The following PICALM variants were observed in gnomAD, a reference collection of about 807,000 sequenced individuals.
The protein encoded by PICALM is phosphatidylinositol-binding clathrin assembly protein.
Under a neutral mutation model 80.5 loss-of-function variants are expected in PICALM, and 40 were observed. The observed-to-expected ratio is 0.50, with a 90% CI of 0.39 to 0.65. The LOEUF (loss-of-function observed/expected upper bound fraction) is 0.65, where lower values mean the gene tolerates loss of function less well. PICALM is among the 30% of genes least tolerant of loss of function. PICALM has a pLI of 0.00. For missense variants in PICALM, 676 were observed against 778.9 expected (o/e 0.87, Z 1.57); for synonymous variants, 288 against 260.3 (o/e 1.11, Z -1.02).
chr11:86,038,874 T>G (rs1168498888), intron 1 of PICALM, among the ~76,000 whole-genome samples: 6 of 147,244 alleles, frequency 4.1e-5, no homozygotes, highest in Non-Finnish European at 6.0e-5. Flanking sequence ...ACGTTGGGGG[T>G]CAAGGAGAAC....
intron 16 of PICALM, among the ~76,000 whole-genome samples, 182 bp downstream of exon 16, chr11:85,981,563 C>G (rs191522512): frequency 6.6e-6 from 1 of 150,938 alleles, no homozygotes; most frequent in Non-Finnish European, 1.5e-5. Flanking sequence ...GCCGAGATTG[C>G]GCCACTGTAC....
intron 4 of PICALM, among the ~76,000 whole-genome samples, chr11:86,021,145 C>T (rs2095555643): frequency 6.6e-6 from 1 of 152,066 alleles, no homozygotes; most frequent in South Asian, 2.1e-4. Flanking sequence ...CCCAGGAGTT[C>T]AAGACCAGCC....
intron 13 of PICALM, among the ~76,000 whole-genome samples, chr11:85,985,807 T>C (rs2094555854): frequency 6.6e-6 from 1 of 152,226 alleles, no homozygotes; most frequent in Non-Finnish European, 1.5e-5. Context: ...TGGCTATTGA[T>C]GTCACTAACT....
chr11:85,987,165 G>A (rs2094597461), intron 13 of PICALM, among the ~76,000 whole-genome samples: 1 of 152,160 alleles, frequency 6.6e-6, no homozygotes, highest in Admixed American at 6.5e-5. Context: ...TAAGCACTAA[G>A]CAAGGGCTTT....
intron 19 of PICALM, among the ~76,000 whole-genome samples, chr11:85,967,123 C>A (rs1452909825): frequency 6.6e-6 from 1 of 152,048 alleles, no homozygotes; most frequent in African/African-American, 2.4e-5. Flanking sequence ...CTCTGCTATC[C>A]CAATTAATTT....
intron 12 of PICALM, among the ~76,000 whole-genome samples, chr11:85,995,515 T>C (rs566620365): frequency 1.8e-4 from 28 of 152,348 alleles, no homozygotes; most frequent in Non-Finnish European, 1.0e-4. Context: ...TTTTTAGTTG[T>C]ACATGGTGTC....
chr11:86,063,684 T>A (rs551428232), intron 1 of PICALM, among the ~76,000 whole-genome samples: 2 of 152,336 alleles, frequency 1.3e-5, no homozygotes, highest in Admixed American at 6.5e-5. Flanking sequence ...ATTTGACATG[T>A]GTGATCAAAT....
intron 1 of PICALM, 92 bp downstream of exon 1, chr11:86,068,559 C>T: frequency 1.7e-6 from 2 of 1,207,048 alleles, no homozygotes; most frequent in Admixed American, 2.5e-5. Flanking sequence ...AGGGAAGAGG[C>T]AGTAGAAGGG....
intron 19 of PICALM, among the ~76,000 whole-genome samples, chr11:85,973,004 A>T (rs1034039782): frequency 6.6e-6 from 1 of 152,220 alleles, no homozygotes; most frequent in Non-Finnish European, 1.5e-5. Context: ...TTATAAAAAC[A>T]AATGCACAAA....
At chr11:86,061,467 C>T (rs545497846) in intron 1 of PICALM, among the ~76,000 whole-genome samples, 2 of 151,294 alleles carry the variant, frequency 1.3e-5, no homozygotes, top group Non-Finnish European at 2.9e-5. Flanking sequence ...ATGACCTTAA[C>T]GGACACCTCA....
rs1042320541 is a variant in PICALM, at chr11:85,981,933, T to C, written c.1587A>G (p.Lys529=). The C allele has an allele frequency of 1.9e-6, 3 of 1,613,070 alleles. No individual in the cohort carries two copies. The African/African-American group carries it at 4.0e-5, about 22-fold the overall frequency. The change falls in exon 15 of 20, where the codon AAA becomes AAG. Residue 529 remains lysine (K), a synonymous_variant. Transcript: ENST00000393346. ...ASQNQNLPVA[K]LPPSKLVSDD... is the part of the protein sequence containing the mutation. Reference sequence around the variant, plus strand: ...CAGATACTAACTTGCTAGGTGGGAGTTTGGCAACAGGAAGGTTCTGGTTCT... The same window carrying C: ...CAGATACTAACTTGCTAGGTGGGAGCTTGGCAACAGGAAGGTTCTGGTTCT...
intron 4 of PICALM, among the ~76,000 whole-genome samples, chr11:86,015,650 T>G (rs1433421076): frequency 2.0e-5 from 3 of 152,184 alleles, no homozygotes; most frequent in African/African-American, 4.8e-5. Context: ...TAAAAACCAG[T>G]ACATGAAAGG....
At chr11:86,035,947 CAAA>C (rs543040504) in intron 1 of PICALM, among the ~76,000 whole-genome samples, 2 of 66,494 alleles carry the variant, frequency 3.0e-5, no homozygotes, top group Non-Finnish European at 5.8e-5. Flanking sequence ...GACTCTGCCT[CAAA>C]AAAAAAAAAA....
At chr11:85,969,724 G>A in intron 19 of PICALM, 1 of 363,074 alleles carries the variant, frequency 2.8e-6, no homozygotes. Flanking sequence ...TCACTATGTT[G>A]CCCAGGTTGG....
At chr11:86,058,540 G>A (rs1004567474) in intron 1 of PICALM, among the ~76,000 whole-genome samples, 2 of 152,130 alleles carry the variant, frequency 1.3e-5, no homozygotes, top group Non-Finnish European at 2.9e-5. Context: ...AAAATTCCAT[G>A]TATTCAGATG....
chr11:86,047,155 A>T (rs1485568372), intron 1 of PICALM, among the ~76,000 whole-genome samples: 1 of 152,134 alleles, frequency 6.6e-6, no homozygotes, highest in African/African-American at 2.4e-5. Flanking sequence ...CATCCACAAC[A>T]CACACACACT....
At chr11:85,961,398 C>A (rs1259941815) in intron 19 of PICALM, among the ~76,000 whole-genome samples, 1 of 152,142 alleles carries the variant, frequency 6.6e-6, no homozygotes, top group Non-Finnish European at 1.5e-5. Flanking sequence ...CCACATACTG[C>A]CCTGAATATG....
chr11:86,003,711 C>G (rs2095209590), intron 8 of PICALM: 1 of 271,778 alleles, frequency 3.7e-6, no homozygotes, highest in African/African-American at 2.2e-5. Context: ...TTTTAAAAAT[C>G]TTGCAAGTAC....
At chr11:85,963,308 G>T (rs2093753473) in intron 19 of PICALM, among the ~76,000 whole-genome samples, 1 of 151,940 alleles carries the variant, frequency 6.6e-6, no homozygotes, top group Non-Finnish European at 1.5e-5. Flanking sequence ...AATCATAATT[G>T]ATCTTTCCAG....
Sources: allele counts gnomAD v4.1 joint callset (sites outside exome capture counted in the v4.1 genomes callset), GRCh38; gene constraint gnomAD v4.1.1; transcripts MANE v1.5; gene names NCBI Gene and HGNC (gene_info 2026-07-23, HGNC 2026-07-21).